The following ST3GAL3 variants were observed in gnomAD, a reference collection of about 807,000 sequenced individuals.
ST3GAL3 encodes the protein CMP-N-acetylneuraminate-beta-1,4-galactoside alpha-2,3-sialyltransferase.
In ST3GAL3, 21 loss-of-function variants were observed where a neutral mutation model predicts 50.1. That is an observed-to-expected ratio of 0.42 (90% CI 0.30 to 0.60). The LOEUF (loss-of-function observed/expected upper bound fraction) is 0.60, where lower values mean the gene tolerates loss of function less well. ST3GAL3 is among the 20% of genes least tolerant of loss of function. The probability of loss-of-function intolerance (pLI) is 0.19; values close to 1 mark genes in which losing one functional copy is unlikely to be tolerated. For synonymous variants in ST3GAL3, 183 were observed against 190.0 expected (o/e 0.96, Z 0.30); for missense variants, 353 against 489.4 (o/e 0.72, Z 2.63).
chr1:43,731,549 T>TA (rs1675854131), intron 1 of ST3GAL3, among the ~76,000 whole-genome samples: 1 of 125,550 alleles, frequency 8.0e-6, no homozygotes, highest in Non-Finnish European at 1.7e-5. Flanking sequence ...CATGCCCGGC[T>TA]AATTTTAATT....
chr1:43,754,999 G>A (rs6678767), intron 2 of ST3GAL3, among the ~76,000 whole-genome samples: 55,263 of 151,936 alleles, frequency 0.36, 11,171 homozygotes, highest in African/African-American at 0.55. Context: ...AAACCTTAAA[G>A]GCAAACATTG....
chr1:43,872,457 G>C (rs940426405), intron 5 of ST3GAL3, among the ~76,000 whole-genome samples: 28 of 151,964 alleles, frequency 1.8e-4, no homozygotes, highest in African/African-American at 6.5e-4. Context: ...CTCCCTGAGG[G>C]AGAGGGAGGG....
At chr1:43,848,300 T>TTC (rs1343936478) in intron 5 of ST3GAL3, among the ~76,000 whole-genome samples, 2 of 143,804 alleles carry the variant, frequency 1.4e-5, no homozygotes, top group East Asian at 2.0e-4. Flanking sequence ...TTTTCTTTTT[T>TTC]TTTTTTTTTT....
chr1:43,902,708 A>C (rs1001301206), intron 9 of ST3GAL3, among the ~76,000 whole-genome samples: 1 of 152,230 alleles, frequency 6.6e-6, no homozygotes, highest in Admixed American at 6.5e-5. Context: ...ACGGAAGCTG[A>C]GGCTTGGAGG....
At chr1:43,742,687 T>C (rs1681492464) in intron 2 of ST3GAL3, among the ~76,000 whole-genome samples, 1 of 152,034 alleles carries the variant, frequency 6.6e-6, no homozygotes, top group African/African-American at 2.4e-5. Context: ...TTTAAATAAT[T>C]AAAGGAAAAT....
intron 4 of ST3GAL3, among the ~76,000 whole-genome samples, chr1:43,818,799 T>C (rs1021652831): frequency 2.6e-5 from 4 of 151,940 alleles, no homozygotes; most frequent in Non-Finnish European, 5.9e-5. Flanking sequence ...AGTTAAAAAA[T>C]ACAATGATCA....
At chr1:43,758,646 G>T (rs1007144581) in intron 2 of ST3GAL3, among the ~76,000 whole-genome samples, 4 of 152,106 alleles carry the variant, frequency 2.6e-5, no homozygotes, top group African/African-American at 7.2e-5. Flanking sequence ...GATAAACTTA[G>T]ACTTTTTTCA....
intron 2 of ST3GAL3, among the ~76,000 whole-genome samples, chr1:43,757,891 G>A (rs1688701475): frequency 6.6e-6 from 1 of 152,150 alleles, no homozygotes; most frequent in African/African-American, 2.4e-5. Context: ...CAAAGGTCTT[G>A]TACTTTACTG....
At chr1:43,728,358 C>CAAAAACAAAAACAA (rs146791867) in intron 1 of ST3GAL3, among the ~76,000 whole-genome samples, 10 of 151,688 alleles carry the variant, frequency 6.6e-5, no homozygotes, top group Non-Finnish European at 1.5e-4. Context: ...AAAACAAAAA[C>CAAAAACAAAAACAA]AAAAACACCA....
intron 11 of ST3GAL3, 106 bp from the exon 12 acceptor site, chr1:43,930,026 C>G (rs750080965): frequency 1.1e-6 from 1 of 924,144 alleles, no homozygotes; most frequent in East Asian, 2.4e-5. Context: ...CAGGTTTCCA[C>G]AGTCACGGAG....
At chr1:43,801,914 C>T (rs756127768) in intron 3 of ST3GAL3, among the ~76,000 whole-genome samples, 200 of 152,276 alleles carry the variant, frequency 1.3e-3, no homozygotes, top group Admixed American at 4.1e-3. Context: ...ATGGGAGGGT[C>T]ACCTGAGCCC....
chr1:43,850,285 T>A, intron 5 of ST3GAL3: 1 of 512,708 alleles, frequency 2.0e-6, no homozygotes, highest in Admixed American at 2.3e-5. Context: ...GCATCCAGGG[T>A]GGGCCGGCTC....
chr1:43,756,175 G>A (rs1688035345), intron 2 of ST3GAL3, among the ~76,000 whole-genome samples: 1 of 150,306 alleles, frequency 6.7e-6, no homozygotes, highest in African/African-American at 2.5e-5. Flanking sequence ...TGATACATAT[G>A]ACATAATAGA....
chr1:43,771,939 C>G, intron 2 of ST3GAL3: 1 of 398,294 alleles, frequency 2.5e-6, no homozygotes, highest in Non-Finnish European at 4.4e-6. Context: ...CCATTTTTCT[C>G]TCTTTCAGGA....
chr1:43,767,025 G>A (rs966335118), intron 2 of ST3GAL3, among the ~76,000 whole-genome samples: 4 of 152,232 alleles, frequency 2.6e-5, no homozygotes, highest in African/African-American at 9.6e-5. Flanking sequence ...GGCGGAAGCA[G>A]CTGATGAAAA....
At chr1:43,740,507 T>A (rs1256607679) in intron 2 of ST3GAL3, among the ~76,000 whole-genome samples, 1 of 152,040 alleles carries the variant, frequency 6.6e-6, no homozygotes, top group East Asian at 1.9e-4. Flanking sequence ...TTATTTCTGC[T>A]GGGTATGGTG....
intron 9 of ST3GAL3, among the ~76,000 whole-genome samples, chr1:43,905,590 C>A (rs1204328356): frequency 6.8e-5 from 3 of 44,118 alleles, no homozygotes; most frequent in Admixed American, 1.6e-4. Context: ...TCCTGCTTCT[C>A]TTCCCGCCAC....
At position 43,850,370 on chromosome 1, in the gene ST3GAL3, C is replaced by A; in HGVS notation, c.302+12059C>A. 2 of 559,700 alleles carry A rather than the reference C, an allele frequency of 3.6e-6. 1 individual carries two copies. The highest frequency in any genetic ancestry group is 1.1e-3 in the Middle Eastern group (2 of 1,796). 34.7% of individuals were successfully genotyped at this position (559,700 alleles called of 1,614,324 possible). ...CCTCCTCCTGGAGAGCCTGCACACA[C>A]CCCTGGTATTTATGCCCTGCTAGTC... is the stretch of plus-strand genomic sequence containing the variant. On this transcript the variant is annotated intron_variant, in intron 5 of 11. Transcript: ENST00000347631.
chr1:43,762,970 C>A (rs1002645803), intron 2 of ST3GAL3, among the ~76,000 whole-genome samples: 1 of 152,116 alleles, frequency 6.6e-6, no homozygotes, highest in East Asian at 1.9e-4. Context: ...TTCAAGAAGT[C>A]GTGCAAAGGC....
Sources: gnomAD v4.1 joint callset for allele counts (sites outside exome capture counted in the v4.1 genomes callset) on GRCh38, gnomAD v4.1.1 for gene constraint, MANE v1.5 for transcripts, NCBI Gene and HGNC (gene_info 2026-07-23, HGNC 2026-07-21) for gene names.